Variants in HDAC9 observed in about 807,000 individuals in gnomAD.
The protein encoded by HDAC9 is histone deacetylase 9.
Under a neutral mutation model 139.4 loss-of-function variants are expected in HDAC9, and 41 were observed. That is an observed-to-expected ratio of 0.29 (90% CI 0.23 to 0.38). The LOEUF (loss-of-function observed/expected upper bound fraction) is 0.38. HDAC9 is among the 10% of genes least tolerant of loss of function. HDAC9 has a pLI of 1.00. For missense variants in HDAC9, 1,147 were observed against 1,297.0 expected (o/e 0.88, Z 1.78); for synonymous variants, 517 against 476.2 (o/e 1.09, Z -1.12).
intron 2 of HDAC9, among the ~76,000 whole-genome samples, chr7:18,510,756 A>T (rs1801252562): frequency 6.6e-6 from 1 of 152,204 alleles, no homozygotes; most frequent in African/African-American, 2.4e-5. Context: ...ACATAGTGAG[A>T]TATTAAGGAA....
At chr7:18,804,357 G>A (rs979144091) in intron 17 of HDAC9, among the ~76,000 whole-genome samples, 3 of 152,170 alleles carry the variant, frequency 2.0e-5, no homozygotes, top group Non-Finnish European at 4.4e-5. Context: ...ATGATGGGAT[G>A]CATGTACACG....
At chr7:18,654,265 T>C (rs1433797080) in intron 11 of HDAC9, among the ~76,000 whole-genome samples, 2 of 152,150 alleles carry the variant, frequency 1.3e-5, no homozygotes, top group African/African-American at 4.8e-5. Context: ...CAAGGGCCAT[T>C]TACCCACTTT....
chr7:18,968,115 T>C (rs566943701), intron 24 of HDAC9, among the ~76,000 whole-genome samples: 4 of 152,084 alleles, frequency 2.6e-5, no homozygotes, highest in Non-Finnish European at 5.9e-5. Context: ...AGAGCCGAGA[T>C]CGCGCCATTG....
intron 1 of HDAC9, among the ~76,000 whole-genome samples, chr7:18,388,144 C>T (rs1786111165): frequency 1.3e-5 from 2 of 152,084 alleles, no homozygotes; most frequent in South Asian, 2.1e-4. Context: ...ACAAAAACGA[C>T]GTAAATGTTA....
chr7:18,260,181 G>A (rs936493568), intron 2 of HDAC9, among the ~76,000 whole-genome samples: 18 of 152,078 alleles, frequency 1.2e-4, no homozygotes, highest in African/African-American at 4.1e-4. Flanking sequence ...CCCAATGGCT[G>A]CCTTTTAAAC....
chr7:18,844,582 T>C (rs981777860), intron 21 of HDAC9, among the ~76,000 whole-genome samples: 3 of 152,220 alleles, frequency 2.0e-5, no homozygotes, highest in African/African-American at 7.2e-5. Flanking sequence ...TATTTTTAGC[T>C]GGTTCTTAAC....
intron 21 of HDAC9, among the ~76,000 whole-genome samples, chr7:18,869,150 GT>G (rs1563006071): frequency 7.4e-4 from 50 of 67,762 alleles, no homozygotes; most frequent in South Asian, 6.7e-3. Context: ...CAATTGGGGT[GT>G]GTGTGTGTGT....
rs942586628 is a variant in HDAC9, at chr7:18,668,594, A to G, written c.1731+2118A>G. 3.1e-6 allele frequency: 3 copies of G among 981,446 alleles called. No homozygotes were observed. In the African/African-American group the frequency reaches 5.3e-5, roughly 17 times the overall value. 60.8% of individuals were successfully genotyped at this position (981,446 alleles called of 1,614,324 possible). Reference sequence around the variant, plus strand: ...TTCATCAGTACAGTTGGTGGACGTTAATTGTTTGAATTTGATAGTCTTTGA... The same window carrying G: ...TTCATCAGTACAGTTGGTGGACGTTGATTGTTTGAATTTGATAGTCTTTGA... On this transcript the variant is annotated intron_variant, in intron 12 of 25. Coordinates refer to ENST00000686413, the MANE Select transcript of HDAC9 (RefSeq NM_178425.4).
At chr7:18,684,189 G>A (rs760512348) in intron 12 of HDAC9, among the ~76,000 whole-genome samples, 10 of 151,596 alleles carry the variant, frequency 6.6e-5, no homozygotes, top group Non-Finnish European at 1.0e-4. Flanking sequence ...GCCTGGAGGC[G>A]GAGATTGCAG....
intron 1 of HDAC9, among the ~76,000 whole-genome samples, chr7:18,293,793 C>T (rs117286690): frequency 0.02 from 2,977 of 152,060 alleles, 48 homozygotes; most frequent in Middle Eastern, 0.037. Flanking sequence ...GGGATTACTG[C>T]GTACTAGTGC....
intron 6 of HDAC9, among the ~76,000 whole-genome samples, chr7:18,625,058 A>G (rs961800855): frequency 5.3e-5 from 8 of 152,090 alleles, no homozygotes; most frequent in South Asian, 2.1e-4. Context: ...GATCATCACA[A>G]TGCCTCAAAT....
At chr7:18,410,657 A>C (rs930678881) in intron 1 of HDAC9, among the ~76,000 whole-genome samples, 1 of 152,208 alleles carries the variant, frequency 6.6e-6, no homozygotes, top group Non-Finnish European at 1.5e-5. Context: ...AATGTGAGAC[A>C]GTAGTACATA....
At chr7:18,129,781 T>A (rs758751602) in intron 1 of HDAC9, among the ~76,000 whole-genome samples, 5 of 152,128 alleles carry the variant, frequency 3.3e-5, no homozygotes, top group Non-Finnish European at 2.9e-5. Context: ...AACTCTGACA[T>A]CATGAAGCTT....
chr7:18,419,036 C>A (rs1789368028), intron 1 of HDAC9, among the ~76,000 whole-genome samples: 1 of 152,160 alleles, frequency 6.6e-6, no homozygotes, highest in African/African-American at 2.4e-5. Flanking sequence ...GAATGGCTAA[C>A]TTGTGTCATC....
chr7:18,149,582 A>T (rs1328777624), intron 1 of HDAC9, among the ~76,000 whole-genome samples: 3 of 151,694 alleles, frequency 2.0e-5, no homozygotes, highest in Non-Finnish European at 2.9e-5. Flanking sequence ...ACAGAGTCTC[A>T]GTCTGTCGCC....
intron 8 of HDAC9, among the ~76,000 whole-genome samples, chr7:18,641,693 A>G (rs1429272840): frequency 6.6e-6 from 1 of 152,104 alleles, no homozygotes; most frequent in African/African-American, 2.4e-5. Context: ...GCCAGATTCA[A>G]AACTTCTTCT....
rs190073998 is a variant in HDAC9, at chr7:18,340,822, C to T, written c.-42+50307C>T. Among the ~76,000 whole-genome samples, 3 of 151,346 alleles carry T rather than the reference C, an allele frequency of 2.0e-5. No individual in the cohort carries two copies. The Admixed American group carries it at 2.0e-4, about 10-fold the overall frequency. ...GTTACCTTCTCCTGTGCCTTTTATT[C>T]TTTGTATAAATCAATTTTCCCATTT... On this transcript the variant is annotated intron_variant, in intron 1 of 3. Coordinates refer to the HDAC9 transcript ENST00000413509.
intron 22 of HDAC9, among the ~76,000 whole-genome samples, chr7:18,898,732 CT>C (rs1004358163): frequency 6.0e-5 from 9 of 150,926 alleles, no homozygotes; most frequent in Admixed American, 2.7e-4. Context: ...AAGGATAAGA[CT>C]TTTTTTTTAT....
intron 1 of HDAC9, among the ~76,000 whole-genome samples, chr7:18,142,646 C>G (rs1460100020): frequency 6.6e-6 from 1 of 152,216 alleles, no homozygotes; most frequent in Non-Finnish European, 1.5e-5. Context: ...TTTTGTCCTT[C>G]CTGGGACCAG....
Sources: gnomAD v4.1 joint callset for allele counts (sites outside exome capture counted in the v4.1 genomes callset) on GRCh38, gnomAD v4.1.1 for gene constraint, MANE v1.5 for transcripts, NCBI Gene and HGNC (gene_info 2026-07-23, HGNC 2026-07-21) for gene names.